The following LNX2 variants were observed in gnomAD, a reference collection of about 807,000 sequenced individuals.
LNX2 encodes ligand of Numb protein X 2.
A neutral mutation model predicts 66.2 loss-of-function variants in LNX2; 35 were observed. The observed-to-expected ratio is 0.53, with a 90% CI of 0.40 to 0.70. LNX2 has a LOEUF of 0.70. LNX2 is among the 30% of genes least tolerant of loss of function. The pLI, the probability that LNX2 is intolerant of heterozygous loss-of-function variation, is 0.00. For missense variants in LNX2, 791 were observed against 850.8 expected (o/e 0.93, Z 0.87); for synonymous variants, 337 against 315.6 (o/e 1.07, Z -0.72).
intron 1 of LNX2, among the ~76,000 whole-genome samples, chr13:27,603,375 A>G (rs79874979): frequency 0.11 from 16,438 of 152,180 alleles, 1,047 homozygotes; most frequent in East Asian, 0.28. Context: ...ATCTGATGCC[A>G]TTCCTTAAAA....
chr13:27,558,482 TAC>T (rs766309174), intron 6 of LNX2, among the ~76,000 whole-genome samples: 5 of 152,108 alleles, frequency 3.3e-5, no homozygotes, highest in Non-Finnish European at 7.4e-5. Context: ...AATTATTAAT[TAC>T]AGTTTTTCAA....
chr13:27,611,179 G>C (rs905358370), intron 1 of LNX2, among the ~76,000 whole-genome samples: 5 of 152,174 alleles, frequency 3.3e-5, no homozygotes, highest in Non-Finnish European at 7.3e-5. Flanking sequence ...AGCACTATGA[G>C]CAATAGCCAA....
At chr13:27,599,610 T>C (rs1261671741) in intron 1 of LNX2, among the ~76,000 whole-genome samples, 2 of 152,204 alleles carry the variant, frequency 1.3e-5, no homozygotes, top group Admixed American at 1.3e-4. Flanking sequence ...TTTACAAAGC[T>C]ATAATTAGGA....
At chr13:27,582,202 T>G (rs542856592) in intron 1 of LNX2, among the ~76,000 whole-genome samples, 7 of 152,086 alleles carry the variant, frequency 4.6e-5, no homozygotes, top group Non-Finnish European at 1.0e-4. Context: ...GTTAATTTTT[T>G]TGTATTTTTT....
intron 1 of LNX2, among the ~76,000 whole-genome samples, chr13:27,595,159 C>T (rs1209240985): frequency 6.6e-6 from 1 of 152,194 alleles, no homozygotes; most frequent in Non-Finnish European, 1.5e-5. Flanking sequence ...TCTTTCCTGC[C>T]TGGAATGTCC....
chr13:27,611,233 G>A (rs1190453371), intron 1 of LNX2, among the ~76,000 whole-genome samples: 3 of 152,186 alleles, frequency 2.0e-5, no homozygotes, highest in African/African-American at 7.2e-5. Flanking sequence ...TAAACAAAAT[G>A]TGGTATATGT....
chr13:27,583,178 G>GTA (rs1160000266), intron 1 of LNX2, among the ~76,000 whole-genome samples: 97 of 1,092 alleles, frequency 0.089, 1 homozygote, highest in Middle Eastern at 0.25. Context: ...CAGTGTGTGT[G>GTA]TGTGTGTGTG....
intron 1 of LNX2, among the ~76,000 whole-genome samples, chr13:27,597,504 C>T (rs911992273): frequency 1.3e-5 from 2 of 151,944 alleles, no homozygotes; most frequent in African/African-American, 2.4e-5. Flanking sequence ...ATGCATGTAA[C>T]GGGGGTGGAT....
chr13:27,590,471 G>A (rs769816948), intron 1 of LNX2, among the ~76,000 whole-genome samples: 5 of 151,728 alleles, frequency 3.3e-5, no homozygotes, highest in African/African-American at 4.8e-5. Context: ...TGCCCGCCTC[G>A]GCCTCCCACG....
At chr13:27,561,914 T>A (rs959033480) in intron 5 of LNX2, among the ~76,000 whole-genome samples, 1 of 152,270 alleles carries the variant, frequency 6.6e-6, no homozygotes, top group South Asian at 2.1e-4. Context: ...ACAAAGATGC[T>A]ATGAGGACAA....
At chr13:27,563,363 A>AATTGT (rs1955162611) in intron 4 of LNX2, among the ~76,000 whole-genome samples, 1 of 152,242 alleles carries the variant, frequency 6.6e-6, no homozygotes, top group Non-Finnish European at 1.5e-5. Flanking sequence ...AAACCAGGTT[A>AATTGT]ATTGTAATTT....
chr13:27,572,398 G>A (rs1955292582), intron 2 of LNX2, among the ~76,000 whole-genome samples: 2 of 152,206 alleles, frequency 1.3e-5, no homozygotes, highest in African/African-American at 4.8e-5. Context: ...TAATTAGATT[G>A]AGGTAGGCAC....
chr13:27,579,588 T>C (rs941061451), intron 2 of LNX2, among the ~76,000 whole-genome samples: 1 of 152,224 alleles, frequency 6.6e-6, no homozygotes, highest in African/African-American at 2.4e-5. Context: ...ACACTAGTAA[T>C]AGTTCAACTG....
chr13:27,568,963 T>C (rs539064362), intron 3 of LNX2, 66 bp downstream of exon 3: 8 of 1,465,560 alleles, frequency 5.5e-6, no homozygotes, highest in Non-Finnish European at 5.4e-6. Context: ...AAAAAGTACA[T>C]GTTGGGCAAG....
intron 1 of LNX2, among the ~76,000 whole-genome samples, chr13:27,595,737 A>T (rs1365762044): frequency 6.7e-6 from 1 of 148,874 alleles, no homozygotes; most frequent in Non-Finnish European, 1.5e-5. Context: ...CATCTAAACC[A>T]TTCAAATCTC....
At chr13:27,549,022 A>G (rs2138304751) in intron 9 of LNX2, among the ~76,000 whole-genome samples, 1 of 152,328 alleles carries the variant, frequency 6.6e-6, no homozygotes, top group East Asian at 1.9e-4. Flanking sequence ...CCATAAATAT[A>G]CTATTTTATT....
At chr13:27,558,775 TTC>T (rs1955094043) in intron 6 of LNX2, among the ~76,000 whole-genome samples, 1 of 152,128 alleles carries the variant, frequency 6.6e-6, no homozygotes. Flanking sequence ...TGATTATAAT[TTC>T]TTTTTAGTAT....
At position 27,583,211 on chromosome 13, in the gene LNX2, T is replaced by TCCTCTCCAATATAA. The variant is rs1429916322; in HGVS notation, c.-100-1409_-100-1408insTTATATTGGAGAGG. On this transcript the variant is annotated intron_variant, in intron 1 of 9. Transcript: ENST00000316334. ...GTGTGTGTGTGTGTGTGTGTGTGTGTGTGTGTGTGTGTGTGTGTGTGTGTG... is the reference window on the plus strand; with the variant it reads ...GTGTGTGTGTGTGTGTGTGTGTGTGTCCTCTCCAATATAAGTGTGTGTGTGTGTGTGTGTGTGTG... Among the ~76,000 whole-genome samples, 58 of 24,366 alleles carry TCCTCTCCAATATAA rather than the reference T, an allele frequency of 2.4e-3. 14 individuals carry two copies. Among genetic ancestry groups the TCCTCTCCAATATAA allele is most frequent in the African/African-American group, 0.012 (51 of 4,360 alleles). 16.0% of individuals were successfully genotyped at this position (24,366 alleles called of 152,430 possible). A position where few individuals can be genotyped will look rare whatever the true frequency, so the allele number is the denominator to read the frequency against.
chr13:27,597,724 T>G (rs1016139991), intron 1 of LNX2, among the ~76,000 whole-genome samples: 1 of 152,004 alleles, frequency 6.6e-6, no homozygotes, highest in Admixed American at 6.6e-5. Flanking sequence ...CTATGAACAG[T>G]CAAAGGAGGA....
Sources: allele counts gnomAD v4.1 joint callset (sites outside exome capture counted in the v4.1 genomes callset), GRCh38; gene constraint gnomAD v4.1.1; transcripts MANE v1.5; gene names NCBI Gene and HGNC (gene_info 2026-07-23, HGNC 2026-07-21).